Variants in FER observed in about 807,000 individuals in gnomAD.
FER encodes the protein tyrosine-protein kinase Fer.
In FER, 63 loss-of-function variants were observed where a neutral mutation model predicts 111.0. The ratio of observed to expected loss-of-function variants is 0.57; its 90% CI spans 0.46 to 0.70. FER has a LOEUF of 0.70. FER is among the 30% of genes least tolerant of loss of function. The pLI, the probability that FER is intolerant of heterozygous loss-of-function variation, is 0.00. For missense variants in FER, 914 were observed against 954.0 expected (o/e 0.96, Z 0.55); for synonymous variants, 327 against 313.9 (o/e 1.04, Z -0.44).
At chr5:108,753,214 T>G (rs1750693773) in intron 1 of FER, among the ~76,000 whole-genome samples, 1 of 152,162 alleles carries the variant, frequency 6.6e-6, no homozygotes, top group African/African-American at 2.4e-5. Flanking sequence ...TGTATTAATG[T>G]GTTTATTATA....
intron 5 of FER, among the ~76,000 whole-genome samples, chr5:108,867,466 T>C (rs1764179852): frequency 6.6e-6 from 1 of 152,160 alleles, no homozygotes; most frequent in Non-Finnish European, 1.5e-5. Context: ...GCTGTTTCAA[T>C]TTGGTATAAG....
At chr5:109,002,517 AC>A (rs1230513907) in intron 13 of FER, among the ~76,000 whole-genome samples, 1 of 152,038 alleles carries the variant, frequency 6.6e-6, no homozygotes. Context: ...AACCATAAAA[AC>A]CCTAGAAGAA....
At chr5:109,152,144 A>G (rs962851688) in intron 17 of FER, among the ~76,000 whole-genome samples, 2 of 152,074 alleles carry the variant, frequency 1.3e-5, no homozygotes, top group African/African-American at 2.4e-5. Context: ...AAACAAGGCT[A>G]TGTAACCCTA....
chr5:109,103,474 G>A (rs1407054853), intron 17 of FER, among the ~76,000 whole-genome samples: 1 of 152,086 alleles, frequency 6.6e-6, no homozygotes, highest in East Asian at 1.9e-4. Context: ...AGAGGTTACT[G>A]CATTAAGAAA....
At chr5:109,080,645 G>C in intron 16 of FER, among the ~76,000 whole-genome samples, 1 of 152,068 alleles carries the variant, frequency 6.6e-6, no homozygotes, top group East Asian at 1.9e-4. Flanking sequence ...GTTCTTGTGA[G>C]TTCAAAAGTA....
In FER at chr5:108,825,306, C is replaced by CG. The variant is rs374405944; in HGVS notation, c.208-7458dup. 4.1e-3 allele frequency among the ~76,000 whole-genome samples: 623 copies of CG among 152,252 alleles called. 5 individuals carry two copies. Among genetic ancestry groups the CG allele is most frequent in the African/African-American group, 0.014 (588 of 41,540 alleles). On this transcript the variant is annotated intron_variant, in intron 3 of 19. Coordinates refer to ENST00000281092, the MANE Select transcript of FER (RefSeq NM_005246.4). ...TCAACCATAAGAGACAGGTACGCCC[C>CG]GGGGGGCCCAGTTCAGAGACGTACC...
intron 5 of FER, among the ~76,000 whole-genome samples, chr5:108,863,506 GTAT>G (rs2150222868): frequency 6.6e-6 from 1 of 152,220 alleles, no homozygotes; most frequent in Non-Finnish European, 1.5e-5. Context: ...AAATGCTATT[GTAT>G]TATTCTATGA....
At chr5:108,756,036 C>G (rs538524781) in intron 1 of FER, among the ~76,000 whole-genome samples, 1 of 150,754 alleles carries the variant, frequency 6.6e-6, no homozygotes, top group East Asian at 2.0e-4. Context: ...CACCTGTAAT[C>G]CCAGCTACTT....
chr5:108,974,791 T>C (rs1761119473), intron 13 of FER, among the ~76,000 whole-genome samples: 1 of 152,228 alleles, frequency 6.6e-6, no homozygotes, highest in Admixed American at 6.5e-5. Context: ...CAAGGAATGA[T>C]GACAGCCTCT....
At chr5:108,759,330 T>G (rs1751461125) in intron 1 of FER, among the ~76,000 whole-genome samples, 2 of 152,242 alleles carry the variant, frequency 1.3e-5, no homozygotes, top group South Asian at 4.1e-4. Context: ...GTCTGAGACC[T>G]CATCAGAATA....
intron 13 of FER, among the ~76,000 whole-genome samples, chr5:109,006,919 T>C (rs963979730): frequency 2.6e-5 from 4 of 152,180 alleles, no homozygotes; most frequent in Non-Finnish European, 4.4e-5. Context: ...AGGAAAACTT[T>C]GATAGAGGTT....
chr5:109,076,456 G>T (rs912153293), intron 16 of FER, among the ~76,000 whole-genome samples: 2 of 152,058 alleles, frequency 1.3e-5, no homozygotes, highest in Admixed American at 1.3e-4. Flanking sequence ...TTGAGACACG[G>T]TCTTGCTCTG....
chr5:108,912,342 G>A (rs1179348820), intron 10 of FER, among the ~76,000 whole-genome samples: 1 of 152,102 alleles, frequency 6.6e-6, no homozygotes, highest in Non-Finnish European at 1.5e-5. Context: ...GGTTTACCTT[G>A]TCTGGCTCCT....
In FER at chr5:108,798,157, G is replaced by A; in HGVS notation, c.-26G>A. The A allele has an allele frequency of 6.3e-7, 1 of 1,584,306 alleles. No individual in the cohort carries two copies. The highest frequency in any genetic ancestry group is 8.7e-7 in the Non-Finnish European group (1 of 1,153,366). On this transcript the variant is annotated 5_prime_UTR_variant, in exon 3 of 20. The change creates a new upstream start codon in the 5' untranslated region. Coordinates refer to ENST00000281092, the MANE Select transcript of FER (RefSeq NM_005246.4). ...TGATTAGAAGGCTCACTTGTGCAGT[G>A]TGGAGGATAACCAGTGCCTTACAAA...
intron 1 of FER, among the ~76,000 whole-genome samples, chr5:108,750,285 T>A (rs1456592493): frequency 1.3e-5 from 2 of 152,162 alleles, no homozygotes; most frequent in African/African-American, 4.8e-5. Flanking sequence ...AAAAAACTAT[T>A]GCAAAATCTT....
chr5:108,906,634 A>G (rs1750813137), intron 10 of FER, among the ~76,000 whole-genome samples: 2 of 152,020 alleles, frequency 1.3e-5, no homozygotes, highest in African/African-American at 4.8e-5. Flanking sequence ...AAATTTTTAC[A>G]TGATGCAATT....
intron 3 of FER, among the ~76,000 whole-genome samples, chr5:108,803,857 C>G (rs79289108): frequency 0.19 from 29,464 of 151,946 alleles, 3,105 homozygotes; most frequent in African/African-American, 0.28. Context: ...ATAGTTTTTT[C>G]CCAGTTCTGT....
chr5:109,136,296 AT>A (rs1391151339), intron 17 of FER, among the ~76,000 whole-genome samples: 1 of 151,984 alleles, frequency 6.6e-6, no homozygotes, highest in African/African-American at 2.4e-5. Flanking sequence ...CCGTCTAAAA[AT>A]AAAAAATAAA....
At chr5:109,057,015 T>A (rs373096291) in intron 16 of FER, among the ~76,000 whole-genome samples, 27 of 152,252 alleles carry the variant, frequency 1.8e-4, no homozygotes, top group African/African-American at 6.3e-4. Flanking sequence ...ATATATCAAT[T>A]TGGGGAAAAT....
Sources: allele counts gnomAD v4.1 joint callset (sites outside exome capture counted in the v4.1 genomes callset), GRCh38; gene constraint gnomAD v4.1.1; transcripts MANE v1.5; gene names NCBI Gene and HGNC (gene_info 2026-07-23, HGNC 2026-07-21).